Variants in SLC11A2 observed in about 807,000 individuals in gnomAD.
SLC11A2 encodes solute carrier family 11 member 2.
A neutral mutation model predicts 68.0 loss-of-function variants in SLC11A2; 38 were observed. That is an observed-to-expected ratio of 0.56 (90% confidence interval 0.43 to 0.73). The LOEUF is 0.73. Ranked by LOEUF, SLC11A2 falls within the 30% of genes least tolerant of loss-of-function variation. The pLI is 0.00. For synonymous variants in SLC11A2, 242 were observed against 250.6 expected, an observed-to-expected ratio of 0.97 and a Z score of 0.32; for missense variants, 517 against 690.5, an observed-to-expected ratio of 0.75 and a Z score of 2.82.
At chr12:50,972,047 C>G in the SLC11A2 span, among the ~76,000 whole-genome samples, 5 of 152,200 alleles carry the variant, frequency 3.3e-5, no homozygotes, top group East Asian at 1.9e-4. Flanking sequence ...AATCCAACTG[C>G]TTTATTCCAT....
chr12:50,992,895 G>A lies in SLC11A2; in HGVS notation c.1112C>T (p.Ala371Val). The A allele has an allele frequency of 1.9e-6, 3 of 1,614,000 alleles. No homozygotes were observed. Among genetic ancestry groups the A allele is most frequent in the Non-Finnish European group, 1.7e-6 (2 of 1,179,972 alleles). Residue 371 changes from alanine (A) to valine (V), a missense_variant, in exon 12 of 16, where the codon GCA becomes GTA. Coordinates refer to ENST00000262052, the MANE Select transcript of SLC11A2 (RefSeq NM_000617.3). ...VVLGCYFGPA[A>V]LYIWAVGILA... ...GATCCCCACTGCCCAAATGTAGAGT[G>A]CAGCAGGCCCAAAGTAACATCCCAG... is the stretch of plus-strand genomic sequence containing the variant.
intron 2 of SLC11A2, among the ~76,000 whole-genome samples, chr12:51,010,450 G>A (rs367918465): frequency 2.7e-5 from 4 of 150,664 alleles, no homozygotes; most frequent in Non-Finnish European, 5.9e-5. Context: ...CCCATGAGGC[G>A]GAGGTTGCAG....
Position 51,000,390 on chromosome 12 carries a change from C to T in SLC11A2, c.459G>A (p.Val153=), listed in dbSNP as rs1400870826. ...KVPRVILWLM[V]ELAIIGSDMQ... is the part of the protein sequence containing the mutation. ...TGTCTGAGCCGATGATAGCCAACTCCACCATCAGCCACAGGATGACTCGTG... is the reference window on the plus strand; with the variant it reads ...TGTCTGAGCCGATGATAGCCAACTCTACCATCAGCCACAGGATGACTCGTG... The change falls in exon 6 of 16, where the codon GTG becomes GTA. Residue 153 remains valine (V), a synonymous_variant. Coordinates refer to ENST00000262052, the MANE Select transcript of SLC11A2 (RefSeq NM_000617.3). 4 of 1,613,952 alleles carry T rather than the reference C, an allele frequency of 2.5e-6. No individual in the cohort carries two copies. Among genetic ancestry groups the T allele is most frequent in the Admixed American group, 1.7e-5 (1 of 60,028 alleles).
intron 9 of SLC11A2, among the ~76,000 whole-genome samples, chr12:50,996,475 T>G (rs780176491): frequency 2.0e-5 from 3 of 151,550 alleles, no homozygotes; most frequent in Non-Finnish European, 4.4e-5. Flanking sequence ...CTCAAGAGGC[T>G]GAGGCACGAG....
the SLC11A2 span, among the ~76,000 whole-genome samples, chr12:50,960,810 G>A: frequency 6.6e-6 from 1 of 151,858 alleles, no homozygotes; most frequent in African/African-American, 2.4e-5. Flanking sequence ...AGCCTCCTGA[G>A]TAGCTGGGAC....
At chr12:50,995,267 C>T (rs550928692) in intron 10 of SLC11A2, among the ~76,000 whole-genome samples, 1 of 152,128 alleles carries the variant, frequency 6.6e-6, no homozygotes, top group African/African-American at 2.4e-5. Context: ...CAAGACTGTG[C>T]CACTGCACTC....
the SLC11A2 span, among the ~76,000 whole-genome samples, chr12:50,974,274 G>C: frequency 4.6e-5 from 7 of 152,232 alleles, no homozygotes; most frequent in African/African-American, 1.4e-4. Context: ...AAGCCCATCA[G>C]ACTAACAGCT....
chr12:51,016,220 G>C lies in SLC11A2; in HGVS notation c.-38-5454C>G, dbSNP rs778019138. 5.5e-4 allele frequency among the ~76,000 whole-genome samples: 83 copies of C among 152,154 alleles called. 1 individual carries two copies. The highest frequency in any genetic ancestry group is 5.4e-3 in the Admixed American group (83 of 15,270). On this transcript the variant is annotated intron_variant, in intron 1 of 15. Coordinates refer to ENST00000262052, the MANE Select transcript of SLC11A2 (RefSeq NM_000617.3). ...GTTCAAGACCAGCCTGGGCAACATAGAGAAACCCCATCTCTACAAAATATA... is the reference window on the plus strand; with the variant it reads ...GTTCAAGACCAGCCTGGGCAACATACAGAAACCCCATCTCTACAAAATATA...
At chr12:51,028,091 A>T, upstream of SLC11A2, 2 of 855,182 alleles carry the variant, frequency 2.3e-6, no homozygotes, top group Admixed American at 5.5e-5. Context: ...GGCAACTTCT[A>T]TTATAACTAG....
chr12:50,992,198 T>G lies in SLC11A2; in HGVS notation c.1339A>C (p.Ser447Arg). 1 of 1,614,044 alleles carries G rather than the reference T, an allele frequency of 6.2e-7. No homozygotes were observed. The highest frequency in any genetic ancestry group is 8.5e-7 in the Non-Finnish European group (1 of 1,179,950). Residue 447 changes from serine (S) to arginine (R), a missense_variant, in exon 13 of 16, where the codon AGC (serine) becomes CGC (arginine). By Grantham distance (110) the Ser-to-Arg change is moderately radical. Coordinates refer to ENST00000262052, the MANE Select transcript of SLC11A2 (RefSeq NM_000617.3). ...CTCAGCTTCCTCCTCACCTGTAAGC[T>G]CTGTAGAACATTCAGAAAGTCATTC... ...GMNDFLNVLQ[S>R]LQLPFALIPI...
chr12:50,976,984 T>C (rs200440292), downstream of SLC11A2, among the ~76,000 whole-genome samples: 22,294 of 151,804 alleles, frequency 0.15, 1,866 homozygotes, highest in South Asian at 0.26. Flanking sequence ...CACTGCTCAA[T>C]GAAATAAAAG....
At chr12:50,968,099 A>AAGGAGGAGGAGG in the SLC11A2 span, among the ~76,000 whole-genome samples, 6 of 146,468 alleles carry the variant, frequency 4.1e-5, no homozygotes, top group East Asian at 9.9e-4. Context: ...TAATAAGAAG[A>AAGGAGGAGGAGG]AGAAGGAGGA....
chr12:51,026,430 C>T, upstream of SLC11A2: 6 of 1,074,730 alleles, frequency 5.6e-6, no homozygotes, highest in African/African-American at 1.6e-5. Flanking sequence ...GGACGGCAGC[C>T]GCACATCCCT....
chr12:50,990,620 G>T, intron 15 of SLC11A2, 175 bp downstream of exon 15: 2 of 642,244 alleles, frequency 3.1e-6, no homozygotes, highest in Admixed American at 2.7e-5. Flanking sequence ...ATGTTGCCCA[G>T]ATTGGTCTCT....
chr12:50,980,493 T>C (rs1398623036), downstream of SLC11A2: 1 of 151,832 alleles, frequency 6.6e-6, no homozygotes, highest in East Asian at 1.9e-4. Context: ...AAGACTCTTC[T>C]CAAAAAAATA....
At chr12:50,956,535 A>C in the SLC11A2 span, among the ~76,000 whole-genome samples, 4 of 152,228 alleles carry the variant, frequency 2.6e-5, no homozygotes, top group Non-Finnish European at 5.9e-5. Flanking sequence ...TATCTTAAGC[A>C]ACTTCCATCA....
chr12:50,972,787 C>T, the SLC11A2 span, among the ~76,000 whole-genome samples: 2 of 152,210 alleles, frequency 1.3e-5, no homozygotes, highest in African/African-American at 2.4e-5. Flanking sequence ...CGGGTCACTC[C>T]CACCCTAATA....
At chr12:50,999,818 G>A (rs1452328686) in intron 6 of SLC11A2, among the ~76,000 whole-genome samples, 1 of 152,026 alleles carries the variant, frequency 6.6e-6, no homozygotes, top group Admixed American at 6.6e-5. Context: ...GACCAGCCTG[G>A]CCAACATGGT....
Position 51,023,542 on chromosome 12 carries a change from C to T in SLC11A2, c.-39+2768G>A, listed in dbSNP as rs530335560. Among the ~76,000 whole-genome samples, 914 of 152,252 alleles carry T rather than the reference C, an allele frequency of 6.0e-3. 6 individuals carry two copies. Among genetic ancestry groups the T allele is most frequent in the Middle Eastern group, 0.02 (6 of 294 alleles). ...ATTCCGCTCATTCAAATGCCCCTACCTTTTTTCCCAGAATGTTTTACTCAA... is the reference window on the plus strand; with the variant it reads ...ATTCCGCTCATTCAAATGCCCCTACTTTTTTTCCCAGAATGTTTTACTCAA... On this transcript the variant is annotated intron_variant, in intron 1 of 15. Coordinates refer to ENST00000262052, the MANE Select transcript of SLC11A2 (RefSeq NM_000617.3).
Sources: allele counts gnomAD v4.1 joint callset (sites outside exome capture counted in the v4.1 genomes callset), GRCh38; gene constraint gnomAD v4.1.1; transcripts MANE v1.5; gene names NCBI Gene and HGNC (gene_info 2026-07-23, HGNC 2026-07-21).